LMF2: variants seen among roughly 807,000 people sequenced by gnomAD.
The protein encoded by LMF2 is transmembrane protein 112B.
A neutral mutation model predicts 81.5 loss-of-function variants in LMF2; 113 were observed. That is an observed-to-expected ratio of 1.39 (90% CI 1.19 to 1.62). The LOEUF is 1.62. Among genes scored for constraint, LMF2 ranks in the 40% most tolerant of loss-of-function variants. The pLI is 0.00. For synonymous variants in LMF2, 645 were observed against 424.5 expected, an observed-to-expected ratio of 1.52 and a Z score of -6.39; for missense variants, 1,235 against 929.1, an observed-to-expected ratio of 1.33 and a Z score of -4.28.
At position 50,505,345 on chromosome 22, in the gene LMF2, A is replaced by AG; in HGVS notation, c.1052-12dup. ...GGTGGAAGGTGAAAGCTGGTGGAGG[A>AG]GGGGGGTGTGAGGACTGGTCCGCCC... On this transcript the variant is annotated splice_polypyrimidine_tract_variant and intron_variant, in intron 7 of 13. Coordinates refer to ENST00000474879, the MANE Select transcript of LMF2 (RefSeq NM_033200.3). The AG allele has an allele frequency of 2.5e-6, 4 of 1,613,122 alleles. No homozygotes were observed. The highest frequency in any genetic ancestry group is 2.5e-6 in the Non-Finnish European group (3 of 1,179,978).
rs1397076289 is a variant in LMF2 at position 50,506,322 on chromosome 22, C to T, written c.558G>A (p.Lys186=). ...ACCACGCAGGGCAGCGGCTGGTCAG[C>T]TTGACCACGCCTGAGGCGAACATGA... ...FRLMFASGVV[K]LTSRCPAWWG... Residue 186 remains lysine, a synonymous_variant, in exon 4 of 14, where the codon AAG becomes AAA. Transcript: ENST00000474879. 5 of 1,549,608 alleles carry T rather than the reference C, an allele frequency of 3.2e-6. No individual in the cohort carries two copies. Among genetic ancestry groups the T allele is most frequent in the Non-Finnish European group, 3.5e-6 (4 of 1,146,774 alleles).
chr22:50,505,364 T>C lies in LMF2; in HGVS notation c.1052-30A>G, dbSNP rs73891258. 6.6e-4 allele frequency: 1,071 copies of C among 1,613,080 alleles called. 4 individuals carry two copies. The African/African-American group carries it at 0.012, about 18-fold the overall frequency. On this transcript the variant is annotated intron_variant, in intron 7 of 13. Coordinates refer to ENST00000474879, the MANE Select transcript of LMF2 (RefSeq NM_033200.3). Reference sequence around the variant, plus strand: ...TGGAGGAGGGGGGTGTGAGGACTGGTCCGCCCCTGCCCTCTGGCCCCCCCA... The same window carrying C: ...TGGAGGAGGGGGGTGTGAGGACTGGCCCGCCCCTGCCCTCTGGCCCCCCCA...
At chr22:50,505,187 C>A in intron 8 of LMF2, 34 bp from the exon 9 acceptor site, 1 of 1,612,782 alleles carries the variant, frequency 6.2e-7, no homozygotes, top group Non-Finnish European at 8.5e-7. Context: ...TCAGGCCGGC[C>A]CTGCACACCT....
At position 50,505,423 on chromosome 22, in the gene LMF2, C is replaced by A. The variant is rs763391596; in HGVS notation, c.1031G>T (p.Arg344Leu). ...CTCACTGGTTCTGGAGTGGATGGTGCGCTGCTGCCAGTCAACCTCCAGGCC... is the reference window on the plus strand; with the variant it reads ...CTCACTGGTTCTGGAGTGGATGGTGAGCTGCTGCCAGTCAACCTCCAGGCC... ...YFGLEVDWQQ[R>L]TIHSRTTFTF... The change falls in exon 7 of 14, where the codon CGC becomes CTC. Residue 344 changes from arginine to leucine, a missense_variant. Arg to Leu is a moderately radical substitution (Grantham distance 102). Transcript: ENST00000474879. 1 of 1,613,052 alleles carries A rather than the reference C, an allele frequency of 6.2e-7. No individual in the cohort carries two copies. The highest frequency in any genetic ancestry group is 8.5e-7 in the Non-Finnish European group (1 of 1,180,018).
chr22:50,505,625 G>A (rs2068540842), intron 6 of LMF2, 49 bp downstream of exon 6: 2 of 1,611,342 alleles, frequency 1.2e-6, no homozygotes, highest in African/African-American at 1.3e-5. Context: ...TGGGGGTGTT[G>A]GAGGGGAGAA....
Position 50,503,309 on chromosome 22 carries a change from A to G in LMF2, c.*82T>C. On this transcript the variant is annotated 3_prime_UTR_variant, in exon 14 of 14. Coordinates refer to ENST00000474879, the MANE Select transcript of LMF2 (RefSeq NM_033200.3). ...GGCCCTGCAGGGTCAGCTAAGGCAC[A>G]GTGGCTGGGTCCTGTCCTGCCGGAG... 1 of 1,463,086 alleles carries G rather than the reference A, an allele frequency of 6.8e-7. No individual in the cohort carries two copies. Among genetic ancestry groups the G allele is most frequent in the Non-Finnish European group, 9.3e-7 (1 of 1,072,272 alleles). The allele number at this position is 1,463,086 out of a possible 1,614,324, so 90.6% of individuals were successfully genotyped here.
chr22:50,503,865 T>A lies in LMF2; in HGVS notation c.1758A>T (p.Pro586=). 1 of 1,606,028 alleles carries A rather than the reference T, an allele frequency of 6.2e-7. No homozygotes were observed. Among genetic ancestry groups the A allele is most frequent in the Non-Finnish European group, 8.5e-7 (1 of 1,179,460 alleles). ...GCGTGGGGTCCCCCAGGGACACGGA[T>A]GGGAAGAACTCCTCCACCCACTGGC... ...WRRQWVEEFF[P]SVSLGDPTLE... is the part of the protein sequence containing the mutation. The change falls in exon 13 of 14, where the codon CCA becomes CCT. Residue 586 remains proline, a synonymous_variant. Transcript: ENST00000474879.
intron 3 of LMF2, 59 bp from the exon 4 acceptor site, chr22:50,506,561 A>G: frequency 1.3e-6 from 2 of 1,585,572 alleles, no homozygotes; most frequent in Non-Finnish European, 1.7e-6. Context: ...TCCCTCGGAA[A>G]GTCCTCCCAG....
Position 50,505,292 on chromosome 22 carries a change from G to A in LMF2, c.1094C>T (p.Thr365Met), listed in dbSNP as rs372322859. 1.9e-5 allele frequency: 30 copies of A among 1,613,200 alleles called. No homozygotes were observed. Among genetic ancestry groups the A allele is most frequent in the East Asian group, 8.9e-5 (4 of 44,900 alleles). The change falls in exon 8 of 14, where the codon ACG (threonine) becomes ATG (methionine). Residue 365 changes from threonine (T) to methionine (M), a missense_variant. By Grantham distance (81) the Thr-to-Met change is moderately conservative. Transcript: ENST00000474879. ...CACACCCAGCCACACAGTGGGCAGC[G>A]TCAGTGTCTTCAGCCACTGAGAAAA... ...HQFSQWLKTLTLPTVWLGVAS... is the reference protein window; with the variant it reads ...HQFSQWLKTLMLPTVWLGVAS...
Position 50,506,941 on chromosome 22 carries a change from C to A in LMF2, c.189G>T (p.Leu63=), listed in dbSNP as rs755576898. 23 of 1,580,022 alleles carry A rather than the reference C, an allele frequency of 1.5e-5. No individual in the cohort carries two copies. Among genetic ancestry groups the A allele is most frequent in the African/African-American group, 2.7e-5 (2 of 74,322 alleles). The change falls in exon 2 of 14, where the codon CTG becomes CTT. Residue 63 remains leucine, a synonymous_variant. Transcript: ENST00000474879. ...RWQQLWETPT[L]LWEAPRLGLD... is the part of the protein sequence containing the mutation. Reference sequence around the variant, plus strand: ...GCCCCAGTCTCGGCGCTTCCCACAGCAGCGTCGGGGTCTCCCACAGCTGCT... The same window carrying A: ...GCCCCAGTCTCGGCGCTTCCCACAGAAGCGTCGGGGTCTCCCACAGCTGCT...
In LMF2 at chr22:50,503,860, A is replaced by G. The variant is rs765150441; in HGVS notation, c.1763T>C (p.Val588Ala). ...RQWVEEFFPS[V>A]SLGDPTLETL... is the part of the protein sequence containing the mutation. Reference sequence around the variant, plus strand: ...CTCCAGCGTGGGGTCCCCCAGGGACACGGATGGGAAGAACTCCTCCACCCA... The same window carrying G: ...CTCCAGCGTGGGGTCCCCCAGGGACGCGGATGGGAAGAACTCCTCCACCCA... Residue 588 changes from valine to alanine, a missense_variant, in exon 13 of 14, where the codon GTG (valine) becomes GCG (alanine). Transcript: ENST00000474879. 6.2e-7 allele frequency: 1 copy of G among 1,606,134 alleles called. No homozygotes were observed. The highest frequency in any genetic ancestry group is 1.1e-5 in the South Asian group (1 of 91,084).
At position 50,507,068 on chromosome 22, in the gene LMF2, A is replaced by T. The variant is rs559141988; in HGVS notation, c.95-33T>A. On this transcript the variant is annotated intron_variant, in intron 1 of 13. Transcript: ENST00000474879. ...AGGGCATGTCATGGCCAGGCCCTGG[A>T]CAGCCCTTGCAGACTAGACTACCTC... 1.2e-5 allele frequency: 19 copies of T among 1,565,354 alleles called. No homozygotes were observed. The South Asian group carries it at 2.2e-4, about 18-fold the overall frequency.
chr22:50,505,619 G>T, intron 6 of LMF2, 55 bp downstream of exon 6: 1 of 1,611,230 alleles, frequency 6.2e-7, no homozygotes, highest in South Asian at 1.1e-5. Context: ...GTCCTGTGGG[G>T]GTGTTGGAGG....
At chr22:50,507,445 C>G in intron 1 of LMF2, 137 bp downstream of exon 1, 1 of 735,026 alleles carries the variant, frequency 1.4e-6, no homozygotes. Context: ...CTGCAGGACA[C>G]GAACCGCCGC....
At position 50,506,917 on chromosome 22, in the gene LMF2, C is replaced by A. The variant is rs759253765; in HGVS notation, c.213G>T (p.Gly71=). 1.3e-6 allele frequency: 2 copies of A among 1,582,690 alleles called. No individual in the cohort carries two copies. The highest frequency in any genetic ancestry group is 1.7e-6 in the Non-Finnish European group (2 of 1,166,530). ...PTLLWEAPRL[G]LDTAQGLELL... Reference sequence around the variant, plus strand: ...GCTCCAGGCCCTGGGCCGTGTCCAGCCCCAGTCTCGGCGCTTCCCACAGCA... The same window carrying A: ...GCTCCAGGCCCTGGGCCGTGTCCAGACCCAGTCTCGGCGCTTCCCACAGCA... Residue 71 remains glycine (G), a synonymous_variant, in exon 2 of 14, where the codon GGG becomes GGT. Transcript: ENST00000474879.
intron 5 of LMF2, 40 bp downstream of exon 5, chr22:50,505,995 C>G: frequency 6.4e-7 from 1 of 1,565,262 alleles, no homozygotes; most frequent in Non-Finnish European, 8.7e-7. Flanking sequence ...GAAGGCCGAG[C>G]CCTGTCTGCC....
In LMF2 at chr22:50,505,521, C is replaced by T. The variant is rs568125029; in HGVS notation, c.933G>A (p.Leu311=). 17 of 1,612,556 alleles carry T rather than the reference C, an allele frequency of 1.1e-5. No homozygotes were observed. In the African/African-American group the frequency reaches 1.2e-4, roughly 11 times the overall value. The change falls in exon 7 of 14, where the codon CTG becomes CTA. Residue 311 remains leucine (L), a synonymous_variant. Transcript: ENST00000474879. ...CCAGCAGCAGCGACAGGGTGGCCAG[C>T]AGGGCCTTGGGCCAGGCTGTGGGGC... ...KKTATSWPKA[L]LATLSLLLEL... is the part of the protein sequence containing the mutation.
At position 50,504,444 on chromosome 22, in the gene LMF2, G is replaced by A. The variant is rs748022209; in HGVS notation, c.1614C>T (p.Arg538=). 9 of 1,611,348 alleles carry A rather than the reference G, an allele frequency of 5.6e-6. No homozygotes were observed. The highest frequency in any genetic ancestry group is 7.6e-6 in the Non-Finnish European group (9 of 1,179,540). ...RLLQGKEPVI[R]LVQSQVARYP... is the part of the protein sequence containing the mutation. ...ACCTGGCCACTTGGCTCTGGACAAG[G>A]CGGATCACTGCAGCGAGAGGCATCA... The change falls in exon 12 of 14, where the codon CGC becomes CGT. Residue 538 remains arginine (R), a synonymous_variant. Coordinates refer to ENST00000474879, the MANE Select transcript of LMF2 (RefSeq NM_033200.3).
At chr22:50,507,394 G>A (rs980479645) in intron 1 of LMF2, 188 bp downstream of exon 1, 1 of 638,040 alleles carries the variant, frequency 1.6e-6, no homozygotes, top group South Asian at 1.8e-5. Flanking sequence ...AGAGCCTTAC[G>A]GGAAATGGAT....
Sources: allele counts gnomAD v4.1 joint callset, GRCh38; gene constraint gnomAD v4.1.1; transcripts MANE v1.5; gene names NCBI Gene and HGNC (gene_info 2026-07-23, HGNC 2026-07-21).